Variants in JKAMP observed in about 807,000 individuals in gnomAD.
The protein encoded by JKAMP is JNK1/MAPK8 associated membrane protein.
A neutral mutation model predicts 40.2 loss-of-function variants in JKAMP; 20 were observed. That is an observed-to-expected ratio of 0.50 (90% CI 0.35 to 0.72). The LOEUF (loss-of-function observed/expected upper bound fraction) is 0.72, where lower values mean the gene tolerates loss of function less well. JKAMP is among the 30% of genes least tolerant of loss of function. The pLI, the probability that JKAMP is intolerant of heterozygous loss-of-function variation, is 0.01. For missense variants in JKAMP, 276 were observed against 373.0 expected (o/e 0.74, Z 2.14); for synonymous variants, 138 against 131.6 (o/e 1.05, Z -0.33).
chr14:59,487,804 T>A lies in JKAMP; in HGVS notation c.227T>A (p.Ile76Asn). The part of the protein sequence containing the change: ...MLPLVLHWFF[I>N]EWYSGKKSSS... ...CCTCTGGTTTTACATTGGTTCTTCA[T>A]TGAATGGTACTCGGGGAAAAAGAGG... is the stretch of plus-strand genomic sequence containing the variant. Residue 76 changes from isoleucine to asparagine, a missense_variant, in exon 3 of 7, where the codon ATT (isoleucine) becomes AAT (asparagine). Coordinates refer to ENST00000616435, the MANE Select transcript of JKAMP (RefSeq NM_016475.5). 6.2e-7 allele frequency: 1 copy of A among 1,613,694 alleles called. No individual in the cohort carries two copies. Among genetic ancestry groups the A allele is most frequent in the Non-Finnish European group, 8.5e-7 (1 of 1,179,698 alleles).
At position 59,484,569 on chromosome 14, in the gene JKAMP, A is replaced by G. The variant is rs201550789; in HGVS notation, c.-21A>G. ...AGATCCGCTGATCTAGTGCTTCTCGAAAAAAACCTTCAGGCGGCCCATGGG... is the reference window on the plus strand; with the variant it reads ...AGATCCGCTGATCTAGTGCTTCTCGGAAAAAACCTTCAGGCGGCCCATGGG... On this transcript the variant is annotated 5_prime_UTR_variant, in exon 1 of 7. Transcript: ENST00000616435. The G allele has an allele frequency of 2.3e-3, 3,652 of 1,571,904 alleles. 8 individuals are homozygous for G. Among genetic ancestry groups the G allele is most frequent in the Non-Finnish European group, 3.0e-3 (3,466 of 1,158,736 alleles).
At chr14:59,502,242 C>T (rs1299841449) in intron 6 of JKAMP, among the ~76,000 whole-genome samples, 1 of 152,002 alleles carries the variant, frequency 6.6e-6, no homozygotes, top group Non-Finnish European at 1.5e-5. Context: ...ACGTTAATGG[C>T]TCTGATTTAA....
At position 59,501,200 on chromosome 14, in the gene JKAMP, T is replaced by C. The variant is rs780416192; in HGVS notation, c.650T>C (p.Phe217Ser). The change falls in exon 6 of 7, where the codon TTC (phenylalanine) becomes TCC (serine). Residue 217 changes from phenylalanine to serine, a missense_variant. By Grantham distance (155) the Phe-to-Ser change is radical. Coordinates refer to ENST00000616435, the MANE Select transcript of JKAMP (RefSeq NM_016475.5). Reference sequence around the variant, plus strand: ...AATGCTTATCTTTCAGATTACGCCTTCCCATACATTATATTAGTGTTATCT... The same window carrying C: ...AATGCTTATCTTTCAGATTACGCCTCCCCATACATTATATTAGTGTTATCT... ...AVGGGLLYYA[F>S]PYIILVLSLV... The C allele has an allele frequency of 6.3e-7, 1 of 1,592,142 alleles. No individual in the cohort carries two copies. The highest frequency in any genetic ancestry group is 8.6e-7 in the Non-Finnish European group (1 of 1,162,102).
In JKAMP at chr14:59,503,276, G is replaced by A. The variant is rs58615904; in HGVS notation, c.718-578G>A. The stretch of plus-strand genomic sequence containing the variant: ...TAGTAACTAACCTGTTGCAAATTAC[G>A]TTTTAATGTGTTTATTAGCACATTT... On this transcript the variant is annotated intron_variant, in intron 6 of 6. Transcript: ENST00000616435. Among the ~76,000 whole-genome samples the A allele has an allele frequency of 7.3e-3, 1,117 of 152,212 alleles. 14 individuals carry two copies. The highest frequency in any genetic ancestry group is 0.025 in the African/African-American group (1,054 of 41,518).
At chr14:59,493,050 G>A (rs577252335) in intron 3 of JKAMP, among the ~76,000 whole-genome samples, 4 of 151,076 alleles carry the variant, frequency 2.6e-5, no homozygotes, top group Non-Finnish European at 5.9e-5. Flanking sequence ...CACCCGCCCC[G>A]GCCTCCCAAA....
At chr14:59,496,127 A>T (rs2139892475) in intron 4 of JKAMP, among the ~76,000 whole-genome samples, 1 of 152,202 alleles carries the variant, frequency 6.6e-6, no homozygotes, top group African/African-American at 2.4e-5. Flanking sequence ...GCTGGTCTTG[A>T]ACTCCTGGCC....
At chr14:59,501,149 AT>A in intron 5 of JKAMP, 41 bp from the exon 6 acceptor site, 1 of 1,236,902 alleles carries the variant, frequency 8.1e-7, no homozygotes, top group African/African-American at 1.5e-5. Context: ...TATTGAGAAA[AT>A]TTGTTTCATT....
intron 5 of JKAMP, among the ~76,000 whole-genome samples, chr14:59,499,630 T>C (rs1891724141): frequency 6.6e-6 from 1 of 152,124 alleles, no homozygotes; most frequent in South Asian, 2.1e-4. Context: ...TGTGGTTCTT[T>C]TGAATATGTG....
At chr14:59,486,063 T>C (rs1669261813) in intron 1 of JKAMP, 1 of 152,198 alleles carries the variant, frequency 6.6e-6, no homozygotes, top group African/African-American at 2.4e-5. Flanking sequence ...TAGCTGCTTT[T>C]CCCCTAAGCC....
At chr14:59,486,887 T>C (rs1890622810) in intron 2 of JKAMP, 83 bp downstream of exon 2, 1 of 946,616 alleles carries the variant, frequency 1.1e-6, no homozygotes, top group Non-Finnish European at 1.6e-6. Flanking sequence ...TTTTTTGTTA[T>C]TATACTCATT....
rs759227100 is a variant in JKAMP, at chr14:59,484,550, G to A, written c.-40G>A. On this transcript the variant is annotated 5_prime_UTR_variant, in exon 1 of 7. Transcript: ENST00000616435. ...GATGTTCGGTGCAGCTGCCAGATCC[G>A]CTGATCTAGTGCTTCTCGAAAAAAA... The A allele has an allele frequency of 1.5e-5, 24 of 1,565,292 alleles. No homozygotes were observed. The highest frequency in any genetic ancestry group is 1.7e-5 in the Non-Finnish European group (20 of 1,155,098).
At chr14:59,503,543 G>A (rs17255821) in intron 6 of JKAMP, among the ~76,000 whole-genome samples, 80,272 of 151,606 alleles carry the variant, frequency 0.53, 22,649 homozygotes, top group East Asian at 0.81. Flanking sequence ...CTTCTAGTTC[G>A]TATCTTTGAG....
chr14:59,492,898 C>T (rs113612679), intron 3 of JKAMP, among the ~76,000 whole-genome samples: 16 of 151,070 alleles, frequency 1.1e-4, no homozygotes, highest in African/African-American at 3.9e-4. Context: ...CCCAGGTTCA[C>T]GTCATTCTCC....
Position 59,503,920 on chromosome 14 carries a change from G to A in JKAMP, c.784G>A (p.Ala262Thr). 6.2e-7 allele frequency: 1 copy of A among 1,613,580 alleles called. No homozygotes were observed. The highest frequency in any genetic ancestry group is 1.1e-5 in the South Asian group (1 of 91,072). The change falls in exon 7 of 7, where the codon GCC (alanine) becomes ACC (threonine). Residue 262 changes from alanine (A) to threonine (T), a missense_variant. By Grantham distance (58) the Ala-to-Thr change is moderately conservative (BLOSUM62 0). Coordinates refer to ENST00000616435, the MANE Select transcript of JKAMP (RefSeq NM_016475.5). Reference sequence around the variant, plus strand: ...TCTCTTCAGCCACTGGTTACTTCATGCCTATGGAATAATCTCCATTTCCAG... The same window carrying A: ...TCTCTTCAGCCACTGGTTACTTCATACCTATGGAATAATCTCCATTTCCAG... ...IVLFSHWLLH[A>T]YGIISISRVD...
At position 59,501,238 on chromosome 14, in the gene JKAMP, G is replaced by A. The variant is rs1367209820; in HGVS notation, c.688G>A (p.Ala230Thr). 2 of 1,604,494 alleles carry A rather than the reference G, an allele frequency of 1.2e-6. No individual in the cohort carries two copies. The highest frequency in any genetic ancestry group is 1.7e-6 in the Non-Finnish European group (2 of 1,172,534). ...IILVLSLVTL[A>T]VYMSASEIEN... ...ATTAGTGTTATCTTTGGTTACTCTGGCTGTGTACATGTCTGCTTCTGAAAT... is the reference window on the plus strand; with the variant it reads ...ATTAGTGTTATCTTTGGTTACTCTGACTGTGTACATGTCTGCTTCTGAAAT... Residue 230 changes from alanine to threonine, a missense_variant, in exon 6 of 7, where the codon GCT becomes ACT. Transcript: ENST00000616435.
rs199627890 is a variant in JKAMP, at chr14:59,504,062, A to G, written c.926A>G (p.Asn309Ser). The change falls in exon 7 of 7, where the codon AAT (asparagine) becomes AGT (serine). Residue 309 changes from asparagine (N) to serine (S), a missense_variant. By Grantham distance (46) the Asn-to-Ser change is conservative. Coordinates refer to ENST00000616435, the MANE Select transcript of JKAMP (RefSeq NM_016475.5). The stretch of plus-strand genomic sequence containing the variant: ...TCAAGGATACTCTCAGAAGGAGCCA[A>G]TGGACACTGAGTGTAGACATGTGAA... ...EPSRILSEGANGH is the reference protein window; with the variant it reads ...EPSRILSEGASGH 1.3e-3 allele frequency: 2,078 copies of G among 1,608,162 alleles called. 3 individuals are homozygous for G. Among genetic ancestry groups the G allele is most frequent in the Non-Finnish European group, 1.5e-3 (1,788 of 1,174,706 alleles).
chr14:59,501,974 A>T (rs1276804729), intron 6 of JKAMP, among the ~76,000 whole-genome samples: 2 of 152,160 alleles, frequency 1.3e-5, no homozygotes, highest in Non-Finnish European at 2.9e-5. Context: ...TCATATCATA[A>T]CGTTTATATT....
At chr14:59,495,865 A>G (rs1891401141) in intron 4 of JKAMP, among the ~76,000 whole-genome samples, 2 of 151,030 alleles carry the variant, frequency 1.3e-5, no homozygotes, top group Admixed American at 6.5e-5. Flanking sequence ...ACAACCAGAT[A>G]TCTTAGAAAA....
At chr14:59,498,666 C>G in intron 4 of JKAMP, 61 bp from the exon 5 acceptor site, 1 of 911,136 alleles carries the variant, frequency 1.1e-6, no homozygotes, top group Non-Finnish European at 1.6e-6. Flanking sequence ...TAAAAATGAT[C>G]AAGATTAAAA....
Sources: gnomAD v4.1 joint callset for allele counts (sites outside exome capture counted in the v4.1 genomes callset) on GRCh38, gnomAD v4.1.1 for gene constraint, MANE v1.5 for transcripts, NCBI Gene and HGNC (gene_info 2026-07-23, HGNC 2026-07-21) for gene names.